The following OXR1 variants were observed in gnomAD, a reference collection of about 807,000 sequenced individuals.
The protein encoded by OXR1 is oxidation resistance 1.
A neutral mutation model predicts 104.6 loss-of-function variants in OXR1; 41 were observed. The observed-to-expected ratio is 0.39, with a 90% CI of 0.31 to 0.51. The LOEUF (loss-of-function observed/expected upper bound fraction) is 0.51. Among genes scored for constraint, OXR1 ranks in the 20% least tolerant of loss-of-function variants. The pLI is 0.77. For missense variants in OXR1, 955 were observed against 1,031.9 expected, an observed-to-expected ratio of 0.93 and a Z score of 1.02; for synonymous variants, 348 against 348.4, an observed-to-expected ratio of 1.00 and a Z score of 0.01.
At chr8:106,271,483 G>T (rs2130456976) in intron 1 of OXR1, among the ~76,000 whole-genome samples, 1 of 152,160 alleles carries the variant, frequency 6.6e-6, no homozygotes, top group East Asian at 2.0e-4. Context: ...CCAGAGGTGC[G>T]GTGTTTTTGG....
At chr8:106,357,616 G>A (rs1188515412) in intron 1 of OXR1, among the ~76,000 whole-genome samples, 2 of 151,094 alleles carry the variant, frequency 1.3e-5, no homozygotes, top group Non-Finnish European at 1.5e-5. Context: ...AAATATGATG[G>A]CCTCTATGTT....
intron 1 of OXR1, among the ~76,000 whole-genome samples, chr8:106,292,932 T>A (rs1275927589): frequency 6.6e-6 from 1 of 152,216 alleles, no homozygotes; most frequent in African/African-American, 2.4e-5. Flanking sequence ...GGGGCAGGAC[T>A]AGAGCAGGGT....
chr8:106,419,720 T>TG (rs1482188167), intron 2 of OXR1, among the ~76,000 whole-genome samples: 6 of 152,186 alleles, frequency 3.9e-5, no homozygotes, highest in African/African-American at 1.4e-4. Context: ...AGTAACTAAT[T>TG]GGATTTTCTT....
chr8:106,324,322 A>G (rs1261707279), intron 1 of OXR1, among the ~76,000 whole-genome samples: 2 of 152,126 alleles, frequency 1.3e-5, no homozygotes, highest in African/African-American at 4.8e-5. Flanking sequence ...AAACTTATGA[A>G]CACAAAGAAG....
chr8:106,332,347 A>G (rs1161963682), intron 1 of OXR1, among the ~76,000 whole-genome samples: 1 of 152,170 alleles, frequency 6.6e-6, no homozygotes, highest in Admixed American at 6.5e-5. Flanking sequence ...GGATCTTGTT[A>G]TGTATATTTA....
intron 2 of OXR1, among the ~76,000 whole-genome samples, chr8:106,385,480 C>T (rs1261117445): frequency 6.6e-6 from 1 of 152,074 alleles, no homozygotes; most frequent in Non-Finnish European, 1.5e-5. Flanking sequence ...TTATATAATG[C>T]TATATTATGC....
At chr8:106,635,310 T>C (rs1356715885) in intron 3 of OXR1, among the ~76,000 whole-genome samples, 1 of 152,168 alleles carries the variant, frequency 6.6e-6, no homozygotes, top group Non-Finnish European at 1.5e-5. Flanking sequence ...TATGAGAAAA[T>C]CTTGAAAATT....
Position 106,504,413 on chromosome 8 carries a change from T to C in OXR1, c.24-14530T>C, listed in dbSNP as rs565037711. Among the ~76,000 whole-genome samples the C allele has an allele frequency of 3.9e-5, 6 of 152,308 alleles. No homozygotes were observed. The South Asian group carries it at 1.2e-3, about 32-fold the overall frequency. ...TTTACGTTCCAGGTTATTAAGCTTATCTTAGGTGAAGTCAAGCTTTAAGTG... is the reference window on the plus strand; with the variant it reads ...TTTACGTTCCAGGTTATTAAGCTTACCTTAGGTGAAGTCAAGCTTTAAGTG... On this transcript the variant is annotated intron_variant, in intron 2 of 16. Coordinates refer to ENST00000517566, the MANE Select transcript of OXR1 (RefSeq NM_001198533.2).
At chr8:106,667,892 A>T (rs1300754657) in intron 3 of OXR1, among the ~76,000 whole-genome samples, 1 of 151,822 alleles carries the variant, frequency 6.6e-6, no homozygotes, top group Non-Finnish European at 1.5e-5. Context: ...GGAGGGAGTG[A>T]CAGAATGAAA....
At chr8:106,610,976 T>G (rs1820771268) in intron 3 of OXR1, among the ~76,000 whole-genome samples, 1 of 152,220 alleles carries the variant, frequency 6.6e-6, no homozygotes, top group Admixed American at 6.5e-5. Context: ...TTTATTGATC[T>G]CCTACAGTGT....
At chr8:106,654,248 T>C (rs946916069) in intron 3 of OXR1, among the ~76,000 whole-genome samples, 4 of 151,966 alleles carry the variant, frequency 2.6e-5, no homozygotes, top group Non-Finnish European at 4.4e-5. Context: ...GCCAAAACAA[T>C]CTTCAAAATG....
chr8:106,658,157 C>G (rs1303917370), intron 3 of OXR1: 1 of 1,244,980 alleles, frequency 8.0e-7, no homozygotes, highest in African/African-American at 1.5e-5. Context: ...CCCACCGGCC[C>G]CCGGCGCCGT....
chr8:106,683,720 T>C (rs1828410745), intron 5 of OXR1, among the ~76,000 whole-genome samples: 1 of 152,208 alleles, frequency 6.6e-6, no homozygotes, highest in Non-Finnish European at 1.5e-5. Flanking sequence ...TTAATTTAAC[T>C]TTGATTCTTG....
chr8:106,380,374 G>A (rs994741033), intron 2 of OXR1, among the ~76,000 whole-genome samples: 7 of 152,024 alleles, frequency 4.6e-5, no homozygotes, highest in Non-Finnish European at 1.0e-4. Context: ...CATCAATGGA[G>A]GGACATTTGG....
At chr8:106,353,810 C>T (rs961375886) in intron 1 of OXR1, among the ~76,000 whole-genome samples, 2 of 151,968 alleles carry the variant, frequency 1.3e-5, no homozygotes, top group Non-Finnish European at 2.9e-5. Context: ...CTATAGTCAC[C>T]GTGTTGTGTT....
intron 2 of OXR1, among the ~76,000 whole-genome samples, chr8:106,466,153 A>G (rs1490017236): frequency 6.6e-6 from 1 of 151,974 alleles, no homozygotes; most frequent in Non-Finnish European, 1.5e-5. Flanking sequence ...AAGTTTTTGC[A>G]TCCTGTGTAC....
chr8:106,740,994 C>G (rs1224109508), intron 14 of OXR1, among the ~76,000 whole-genome samples: 1 of 152,016 alleles, frequency 6.6e-6, no homozygotes, highest in South Asian at 2.1e-4. Context: ...AATATTAGAA[C>G]AAAACACTGG....
intron 3 of OXR1, among the ~76,000 whole-genome samples, chr8:106,670,211 G>A (rs73699982): frequency 6.4e-4 from 98 of 152,220 alleles, no homozygotes; most frequent in African/African-American, 2.2e-3. Context: ...TGTACATTAG[G>A]GAGAAAGATA....
At chr8:106,407,240 A>G (rs1413544752) in intron 2 of OXR1, among the ~76,000 whole-genome samples, 1 of 152,188 alleles carries the variant, frequency 6.6e-6, no homozygotes, top group African/African-American at 2.4e-5. Context: ...TGAAACTGAT[A>G]CTATCTTGAG....
Sources: allele counts gnomAD v4.1 joint callset (sites outside exome capture counted in the v4.1 genomes callset), GRCh38; gene constraint gnomAD v4.1.1; transcripts MANE v1.5; gene names NCBI Gene and HGNC (gene_info 2026-07-23, HGNC 2026-07-21).